Variants in FNIP1 observed in about 807,000 individuals in gnomAD.
The protein encoded by FNIP1 is folliculin interacting protein 1.
A neutral mutation model predicts 124.5 loss-of-function variants in FNIP1; 40 were observed. The observed-to-expected ratio is 0.32, with a 90% CI of 0.25 to 0.42. The LOEUF (loss-of-function observed/expected upper bound fraction) is 0.42. FNIP1 is among the 10% of genes least tolerant of loss of function. The probability of loss-of-function intolerance (pLI) is 1.00; values close to 1 mark genes in which losing one functional copy is unlikely to be tolerated. For synonymous variants in FNIP1, 472 were observed against 470.6 expected, an observed-to-expected ratio of 1.00 and a Z score of -0.04; for missense variants, 1,176 against 1,403.7, an observed-to-expected ratio of 0.84 and a Z score of 2.59.
intron 11 of FNIP1, among the ~76,000 whole-genome samples, chr5:131,682,090 T>C (rs970021478): frequency 6.6e-6 from 1 of 152,152 alleles, no homozygotes; most frequent in African/African-American, 2.4e-5. Context: ...TTCAGAAATT[T>C]TTGTTTCTTA....
At chr5:131,764,319 T>C (rs1301329206) in intron 1 of FNIP1, among the ~76,000 whole-genome samples, 1 of 151,674 alleles carries the variant, frequency 6.6e-6, no homozygotes, top group African/African-American at 2.4e-5. Flanking sequence ...TTTTTTTTTT[T>C]TTTTTTGAGA....
intron 2 of FNIP1, among the ~76,000 whole-genome samples, chr5:131,737,519 G>A (rs1441755483): frequency 3.3e-5 from 5 of 152,006 alleles, no homozygotes; most frequent in South Asian, 2.1e-4. Context: ...AACTCTTAAC[G>A]CATTTTTCCC....
intron 16 of FNIP1, among the ~76,000 whole-genome samples, chr5:131,649,322 T>C (rs1023258397): frequency 7.2e-5 from 11 of 152,176 alleles, no homozygotes; most frequent in African/African-American, 1.4e-4. Flanking sequence ...ATACTTACTA[T>C]TTTTTGTGGA....
intron 16 of FNIP1, among the ~76,000 whole-genome samples, chr5:131,649,122 G>A (rs1398472209): frequency 4.6e-5 from 7 of 152,170 alleles, no homozygotes; most frequent in African/African-American, 1.7e-4. Context: ...CTATGAACAA[G>A]AGTATATACT....
intron 13 of FNIP1, among the ~76,000 whole-genome samples, chr5:131,676,699 G>T (rs1195889765): frequency 3.3e-5 from 5 of 152,092 alleles, no homozygotes; most frequent in Admixed American, 3.3e-4. Context: ...AATTGGAGCT[G>T]CAGTGAGCCA....
chr5:131,685,732 G>T (rs939436599), intron 11 of FNIP1, among the ~76,000 whole-genome samples: 2 of 151,908 alleles, frequency 1.3e-5, no homozygotes, highest in African/African-American at 4.8e-5. Flanking sequence ...GGGATTACAG[G>T]CGTGAGCCAC....
chr5:131,671,591 T>C lies in FNIP1; in HGVS notation c.2853A>G (p.Thr951=), dbSNP rs1767751956. 1.2e-6 allele frequency: 2 copies of C among 1,613,938 alleles called. No individual in the cohort carries two copies. The highest frequency in any genetic ancestry group is 1.7e-6 in the Non-Finnish European group (2 of 1,180,022). Reference sequence around the variant, plus strand: ...TAACTTGTCTAGTCATATCATGACCTGTATCTTCACTTTCACTATCCCCAA... The same window carrying C: ...TAACTTGTCTAGTCATATCATGACCCGTATCTTCACTTTCACTATCCCCAA... ...SALGDSESED[T]GHDMTRQVSS... The change falls in exon 14 of 18, where the codon ACA becomes ACG. Residue 951 remains threonine, a synonymous_variant. Transcript: ENST00000510461.
At chr5:131,701,272 T>G (rs147042817) in intron 10 of FNIP1, among the ~76,000 whole-genome samples, 257 of 152,342 alleles carry the variant, frequency 1.7e-3, no homozygotes, top group African/African-American at 5.7e-3. Flanking sequence ...GGGTCCCTGG[T>G]TGCCAAAAAG....
chr5:131,655,178 A>G (rs1767155106), intron 15 of FNIP1, among the ~76,000 whole-genome samples: 5 of 152,194 alleles, frequency 3.3e-5, no homozygotes, highest in Admixed American at 3.3e-4. Flanking sequence ...GAAATACGGA[A>G]AATAAGAAAA....
At position 131,704,231 on chromosome 5, in the gene FNIP1, C is replaced by T. The variant is rs1376076273; in HGVS notation, c.950G>A (p.Ser317Asn). Residue 317 changes from serine to asparagine, a missense_variant, in exon 10 of 18, where the codon AGC becomes AAC. By Grantham distance (46) the Ser-to-Asn change is conservative. This residue lies in a region of FNIP1 where 1,109 missense variants were observed against 1,288.5 expected (regional missense o/e 0.86). Coordinates refer to ENST00000510461, the MANE Select transcript of FNIP1 (RefSeq NM_133372.3). ...IEESFNLSDE[S>N]CGPNPGIVRK... The stretch of plus-strand genomic sequence containing the variant: ...CACAATTCCTGGGTTAGGGCCACAG[C>T]TTTCATCTGAGAGATTAAAGCTTTC... 1 of 1,613,242 alleles carries T rather than the reference C, an allele frequency of 6.2e-7. No individual in the cohort carries two copies.
intron 13 of FNIP1, among the ~76,000 whole-genome samples, chr5:131,675,324 G>T (rs998504198): frequency 4.6e-4 from 70 of 152,120 alleles, no homozygotes; most frequent in Middle Eastern, 3.4e-3. Flanking sequence ...TATCATTGTT[G>T]TCTGCATATA....
At chr5:131,660,952 C>T (rs930851669) in intron 15 of FNIP1, among the ~76,000 whole-genome samples, 5 of 152,130 alleles carry the variant, frequency 3.3e-5, no homozygotes, top group African/African-American at 1.2e-4. Flanking sequence ...CCTGTAAAGA[C>T]ATCTCTAAAC....
At chr5:131,767,999 G>C (rs1771496849) in intron 1 of FNIP1, among the ~76,000 whole-genome samples, 1 of 152,046 alleles carries the variant, frequency 6.6e-6, no homozygotes, top group Non-Finnish European at 1.5e-5. Context: ...TCTAGTGACT[G>C]TAATTTACAT....
chr5:131,729,564 C>T (rs969248800), intron 3 of FNIP1, among the ~76,000 whole-genome samples: 9 of 152,202 alleles, frequency 5.9e-5, no homozygotes, highest in African/African-American at 1.2e-4. Flanking sequence ...ATTTGGCCAT[C>T]TTGCCAGCCA....
intron 1 of FNIP1, among the ~76,000 whole-genome samples, chr5:131,789,607 C>T (rs2149589929): frequency 6.6e-6 from 1 of 152,358 alleles, no homozygotes; most frequent in East Asian, 1.9e-4. Context: ...AAAAAACCAT[C>T]AAGGTCACCA....
intron 4 of FNIP1, 85 bp from the exon 5 acceptor site, chr5:131,719,145 C>T: frequency 1.5e-6 from 2 of 1,353,174 alleles, no homozygotes; most frequent in Non-Finnish European, 2.1e-6. Flanking sequence ...GTGTAAGTCA[C>T]AGAGGTTTCA....
chr5:131,681,009 C>T (rs966263575), intron 11 of FNIP1, among the ~76,000 whole-genome samples: 1 of 152,002 alleles, frequency 6.6e-6, no homozygotes, highest in Non-Finnish European at 1.5e-5. Flanking sequence ...ACAGGAGTTA[C>T]GATACAGTAC....
At chr5:131,692,667 T>A (rs569389865) in intron 11 of FNIP1, among the ~76,000 whole-genome samples, 109 of 152,186 alleles carry the variant, frequency 7.2e-4, no homozygotes, top group African/African-American at 2.4e-3. Context: ...TATAAAGATA[T>A]AGTAATTAAG....
intron 15 of FNIP1, among the ~76,000 whole-genome samples, chr5:131,666,536 A>G (rs1263626908): frequency 6.6e-6 from 1 of 152,182 alleles, no homozygotes. Context: ...TAGTAACAGT[A>G]TGGCATAGCA....
Sources: gnomAD v4.1 joint callset for allele counts (sites outside exome capture counted in the v4.1 genomes callset) on GRCh38, gnomAD v4.1.1 for gene constraint, gnomAD v4.1.1 regional missense constraint, MANE v1.5 for transcripts, NCBI Gene and HGNC (gene_info 2026-07-23, HGNC 2026-07-21) for gene names.